CX3CR1: variants seen among roughly 807,000 people sequenced by gnomAD.
The protein encoded by CX3CR1 is CX3C chemokine receptor 1.
For missense variants in CX3CR1, 363 were observed against 432.4 expected (o/e 0.84, Z 1.42); for synonymous variants, 168 against 178.5 (o/e 0.94, Z 0.47).
the CX3CR1 span, among the ~76,000 whole-genome samples, chr3:39,290,718 G>A: frequency 6.6e-6 from 1 of 152,082 alleles, no homozygotes; most frequent in Non-Finnish European, 1.5e-5. Flanking sequence ...TCAGGAGTTT[G>A]AGACCAGCCT....
At chr3:39,286,507 C>A (rs567992434), upstream of CX3CR1, 1 of 151,394 alleles carries the variant, frequency 6.6e-6, no homozygotes, top group Non-Finnish European at 1.5e-5. Flanking sequence ...AAAAATTAGC[C>A]GGGCGCGGTG....
chr3:39,280,702 C>A (rs890251376), upstream of CX3CR1, among the ~76,000 whole-genome samples: 31 of 152,306 alleles, frequency 2.0e-4, no homozygotes, highest in African/African-American at 7.5e-4. Context: ...AGCTTTCACC[C>A]AGGACCTGGC....
chr3:39,279,019 G>A (rs2040869677), intron 1 of CX3CR1, among the ~76,000 whole-genome samples: 1 of 152,116 alleles, frequency 6.6e-6, no homozygotes, highest in Non-Finnish European at 1.5e-5. Flanking sequence ...AATTAGCCGG[G>A]CGGTGGTACA....
At chr3:39,268,605 C>T (rs1016741301) in intron 1 of CX3CR1, among the ~76,000 whole-genome samples, 1 of 152,158 alleles carries the variant, frequency 6.6e-6, no homozygotes, top group Non-Finnish European at 1.5e-5. Flanking sequence ...AAGCCGACCT[C>T]GAGAGGTGGC....
At chr3:39,281,734 C>CCTT (rs1559371221), upstream of CX3CR1, 2 of 1,467,836 alleles carry the variant, frequency 1.4e-6, no homozygotes, top group African/African-American at 1.4e-5. Context: ...ACGGCCCGCC[C>CCTT]CTTCTCACTT....
At chr3:39,292,576 T>C in the CX3CR1 span, among the ~76,000 whole-genome samples, 3 of 152,220 alleles carry the variant, frequency 2.0e-5, no homozygotes, top group African/African-American at 7.2e-5. Flanking sequence ...AACATAGTAA[T>C]AGACACTGTT....
intron 1 of CX3CR1, among the ~76,000 whole-genome samples, chr3:39,267,501 A>G (rs1422459537): frequency 6.6e-6 from 1 of 152,212 alleles, no homozygotes; most frequent in Non-Finnish European, 1.5e-5. Flanking sequence ...CATACACTCT[A>G]GAGTGACTAC....
intron 1 of CX3CR1, among the ~76,000 whole-genome samples, chr3:39,277,364 A>G (rs931086533): frequency 1.3e-5 from 2 of 152,206 alleles, no homozygotes; most frequent in Non-Finnish European, 2.9e-5. Flanking sequence ...GTGATGCCAG[A>G]GAGCCCAACT....
upstream of CX3CR1, chr3:39,280,199 C>G: frequency 1.0e-6 from 1 of 985,336 alleles, no homozygotes; most frequent in South Asian, 4.7e-5. Context: ...CCTGGAAGAT[C>G]TAAACCTCAG....
upstream of CX3CR1, chr3:39,281,771 TC>T: frequency 9.1e-7 from 1 of 1,097,428 alleles, no homozygotes; most frequent in South Asian, 1.3e-5. Flanking sequence ...CACTTCCACT[TC>T]CCCCAACATG....
At chr3:39,272,486 C>T (rs55679670) in intron 1 of CX3CR1, among the ~76,000 whole-genome samples, 128 of 152,318 alleles carry the variant, frequency 8.4e-4, no homozygotes, top group Non-Finnish European at 1.6e-3. Flanking sequence ...CCCATTGTTT[C>T]CAATCAGCTT....
upstream of CX3CR1, among the ~76,000 whole-genome samples, chr3:39,283,060 T>C (rs2040917742): frequency 6.6e-6 from 1 of 152,006 alleles, no homozygotes; most frequent in Admixed American, 6.6e-5. Context: ...CCCAGCTAAT[T>C]TTTGTATTTT....
chr3:39,264,189 C>T lies in CX3CR1; in HGVS notation c.*1253G>A, dbSNP rs1332142775. 2 of 152,260 alleles carry T rather than the reference C, an allele frequency of 1.3e-5. No homozygotes were observed. The highest frequency in any genetic ancestry group is 2.9e-5 in the Non-Finnish European group (2 of 68,108). 9.4% of individuals were successfully genotyped at this position (152,260 alleles called of 1,614,324 possible). The stretch of plus-strand genomic sequence containing the variant: ...AGAACCAGCCTCTTCTGTGTCTGGG[C>T]TATGCCACGCAGCAGCACCTGCAGG... On this transcript the variant is annotated 3_prime_UTR_variant, in exon 2 of 2. Transcript: ENST00000399220.
intron 1 of CX3CR1, among the ~76,000 whole-genome samples, chr3:39,278,908 A>G (rs2040868456): frequency 6.6e-6 from 1 of 152,064 alleles, no homozygotes; most frequent in Non-Finnish European, 1.5e-5. Flanking sequence ...CCTGAGCCTG[A>G]GTATCCTCAC....
At chr3:39,286,879 C>T in the CX3CR1 span, 9 of 152,198 alleles carry the variant, frequency 5.9e-5, 1 homozygote, top group Admixed American at 4.6e-4. Flanking sequence ...AAGATGCAAA[C>T]ATAGCAAAGG....
chr3:39,290,344 TG>T, the CX3CR1 span, among the ~76,000 whole-genome samples: 2,588 of 152,178 alleles, frequency 0.017, 68 homozygotes, highest in African/African-American at 0.058. Flanking sequence ...CGATCAGAGG[TG>T]GGGATGTTTA....
chr3:39,272,100 G>A (rs1320280051), intron 1 of CX3CR1, among the ~76,000 whole-genome samples: 4 of 152,184 alleles, frequency 2.6e-5, no homozygotes, highest in African/African-American at 9.7e-5. Context: ...TACCCAGCTG[G>A]GTTTCATATC....
chr3:39,266,436 T>A lies in CX3CR1; in HGVS notation c.74A>T (p.Asp25Val), dbSNP rs139019894. 1 of 1,614,034 alleles carries A rather than the reference T, an allele frequency of 6.2e-7. No homozygotes were observed. Among genetic ancestry groups the A allele is most frequent in the South Asian group, 1.1e-5 (1 of 91,086 alleles). Residue 25 changes from aspartate to valine, a missense_variant, in exon 2 of 2, where the codon GAC becomes GTC. Coordinates refer to ENST00000399220, the MANE Select transcript of CX3CR1 (RefSeq NM_001337.4). The stretch of plus-strand genomic sequence containing the variant: ...GAACACAGTCCCAAAGACCACGATG[T>A]CCCCAATATAACAGGCCTCAGCCAA... The part of the protein sequence containing the change: ...DDLAEACYIG[D>V]IVVFGTVFLS...
upstream of CX3CR1, among the ~76,000 whole-genome samples, chr3:39,284,185 T>TG (rs2040929558): frequency 6.6e-6 from 1 of 152,034 alleles, no homozygotes; most frequent in Non-Finnish European, 1.5e-5. Context: ...AAGTTTTTTT[T>TG]TTTTGTTTGT....
Sources: gnomAD v4.1 joint callset for allele counts (sites outside exome capture counted in the v4.1 genomes callset) on GRCh38, gnomAD v4.1.1 for gene constraint, MANE v1.5 for transcripts, NCBI Gene and HGNC (gene_info 2026-07-23, HGNC 2026-07-21) for gene names.